CWH43: variants seen among roughly 807,000 people sequenced by gnomAD.
The protein encoded by CWH43 is PGAP2-interacting protein.
CWH43 carries 91 observed loss-of-function variants against 85.7 expected under a neutral mutation model. The observed-to-expected ratio is 1.06, with a 90% confidence interval of 0.90 to 1.26. The LOEUF is 1.26. Among genes scored for constraint, CWH43 ranks in the 50% most tolerant of loss-of-function variants. The pLI is 0.00. For missense variants in CWH43, 869 were observed against 839.2 expected, an observed-to-expected ratio of 1.04 and a Z score of -0.44; for synonymous variants, 323 against 293.6, an observed-to-expected ratio of 1.10 and a Z score of -1.02.
chr4:49,021,066 C>G (rs1783737960), intron 9 of CWH43, among the ~76,000 whole-genome samples: 1 of 152,064 alleles, frequency 6.6e-6, no homozygotes, highest in Admixed American at 6.6e-5. Flanking sequence ...TAATTAAGCT[C>G]CATCTATTTA....
intron 6 of CWH43, among the ~76,000 whole-genome samples, chr4:49,000,249 G>A (rs1311693570): frequency 6.6e-6 from 1 of 152,138 alleles, no homozygotes; most frequent in Non-Finnish European, 1.5e-5. Context: ...TCTGTACACC[G>A]TAAGTGCCGT....
Position 48,992,347 on chromosome 4 carries a change from C to G in CWH43, c.511+257C>G, listed in dbSNP as rs1308330714. On this transcript the variant is annotated intron_variant, in intron 4 of 15. Transcript: ENST00000226432. This position sits in a 1 kb window ranked among gnomAD's most constrained non-coding sequence, Gnocchi z 4.3. ...TTTGTAGCACTGTGGCAGTGGGAGA[C>G]GAGAACCAGGCCTCATATCCCAGCT... 6.6e-6 allele frequency among the ~76,000 whole-genome samples: 1 copy of G among 152,152 alleles called. No individual in the cohort carries two copies.
chr4:49,053,929 A>G (rs544168973), intron 15 of CWH43, among the ~76,000 whole-genome samples: 13 of 152,218 alleles, frequency 8.5e-5, no homozygotes, highest in Non-Finnish European at 1.8e-4. Context: ...CTCAACCTAT[A>G]TAGTTTGTAA....
chr4:49,044,810 A>G lies in CWH43; in HGVS notation c.1828A>G (p.Arg610Gly). The G allele has an allele frequency of 6.2e-7, 1 of 1,613,436 alleles. No homozygotes were observed. Among genetic ancestry groups the G allele is most frequent in the Admixed American group, 1.7e-5 (1 of 59,978 alleles). Residue 610 changes from arginine to glycine, a missense_variant, in exon 14 of 16, where the codon AGA becomes GGA. Physicochemically the swap from Arg to Gly is moderately radical, Grantham distance 125. This residue lies in a region of CWH43 where 577 missense variants were observed against 513.1 expected (regional missense o/e 1.12). Transcript: ENST00000226432. The part of the protein sequence containing the change: ...VKDIDSTDHD[R>G]WCEYIMYRGL... Reference sequence around the variant, plus strand: ...GGATATCGACAGCACTGATCATGACAGATGGTGTGAATACATTATGTATCG... The same window carrying G: ...GGATATCGACAGCACTGATCATGACGGATGGTGTGAATACATTATGTATCG...
intron 9 of CWH43, among the ~76,000 whole-genome samples, chr4:49,025,836 G>C (rs1222929469): frequency 6.6e-6 from 1 of 152,292 alleles, no homozygotes; most frequent in East Asian, 1.9e-4. Context: ...TCCAGCCAGG[G>C]TGTGGCACTT....
At chr4:49,050,344 G>C (rs1465832565) in intron 14 of CWH43, among the ~76,000 whole-genome samples, 3 of 152,192 alleles carry the variant, frequency 2.0e-5, no homozygotes, top group Non-Finnish European at 4.4e-5. Flanking sequence ...AGGTAAGAAA[G>C]AAGGTGAACA....
At chr4:49,027,310 A>G (rs1289200128) in intron 9 of CWH43, among the ~76,000 whole-genome samples, 1 of 152,184 alleles carries the variant, frequency 6.6e-6, no homozygotes, top group African/African-American at 2.4e-5. Context: ...GGAATCAAGG[A>G]GACTTCTATG....
chr4:49,041,556 G>A (rs1784463638), intron 13 of CWH43, among the ~76,000 whole-genome samples: 2 of 152,152 alleles, frequency 1.3e-5, no homozygotes, highest in Admixed American at 6.6e-5. Context: ...GTCTATTATT[G>A]GTGTATAAGA....
intron 8 of CWH43, among the ~76,000 whole-genome samples, chr4:49,008,081 CCCA>C (rs930265115): frequency 3.9e-5 from 6 of 152,324 alleles, no homozygotes; most frequent in Admixed American, 6.5e-5. Context: ...TATTTACACT[CCCA>C]CCAACAGTAT....
chr4:48,990,776 G>T (rs541630985), intron 2 of CWH43, among the ~76,000 whole-genome samples: 2 of 152,144 alleles, frequency 1.3e-5, no homozygotes, highest in Admixed American at 6.6e-5. Flanking sequence ...TCTATTCCTT[G>T]GTATGTACCC....
chr4:49,057,702 G>C (rs1785011204), intron 15 of CWH43, among the ~76,000 whole-genome samples: 1 of 152,116 alleles, frequency 6.6e-6, no homozygotes. Flanking sequence ...TCCATTGTTG[G>C]AAGTGGGTTA....
At chr4:49,045,740 T>A (rs1224830992) in intron 14 of CWH43, among the ~76,000 whole-genome samples, 8 of 152,164 alleles carry the variant, frequency 5.3e-5, no homozygotes, top group African/African-American at 1.9e-4. Flanking sequence ...TTTTTATTTT[T>A]TAAATCGACA....
At chr4:48,989,948 C>T (rs1168244949) in intron 2 of CWH43, among the ~76,000 whole-genome samples, 12 of 152,182 alleles carry the variant, frequency 7.9e-5, no homozygotes, top group Non-Finnish European at 1.0e-4. Context: ...CATGAACCAC[C>T]GTAGCTCCGA....
chr4:49,042,319 G>T (rs1437723873), intron 13 of CWH43, among the ~76,000 whole-genome samples: 1 of 152,212 alleles, frequency 6.6e-6, no homozygotes, highest in African/African-American at 2.4e-5. Context: ...GAAAAAGCCT[G>T]TATTGCCTTG....
chr4:49,051,073 G>T (rs1560515917), intron 15 of CWH43, among the ~76,000 whole-genome samples: 1 of 152,098 alleles, frequency 6.6e-6, no homozygotes, highest in East Asian at 1.9e-4. Context: ...AAAGTTCACA[G>T]CATCATCATC....
Position 49,053,709 on chromosome 4 carries a change from C to T in CWH43, c.2021+2860C>T, listed in dbSNP as rs1402352438. Reference sequence around the variant, plus strand: ...AGCCGTTTATCATATATAGGTTGAACATCTCAAGTAAAAAAATCCAAAATC... The same window carrying T: ...AGCCGTTTATCATATATAGGTTGAATATCTCAAGTAAAAAAATCCAAAATC... On this transcript the variant is annotated intron_variant, in intron 15 of 15. Coordinates refer to ENST00000226432, the MANE Select transcript of CWH43 (RefSeq NM_025087.3). Among the ~76,000 whole-genome samples, 5 of 152,122 alleles carry T rather than the reference C, an allele frequency of 3.3e-5. No individual in the cohort carries two copies. In the South Asian group the frequency reaches 6.2e-4, roughly 19 times the overall value.
chr4:49,016,030 T>C (rs1783531456), intron 8 of CWH43, among the ~76,000 whole-genome samples: 1 of 152,204 alleles, frequency 6.6e-6, no homozygotes, highest in Non-Finnish European at 1.5e-5. Flanking sequence ...TTTCTTTGTT[T>C]CCTGCTCATG....
chr4:49,010,244 A>G (rs1189581064), intron 8 of CWH43, among the ~76,000 whole-genome samples: 3 of 151,872 alleles, frequency 2.0e-5, no homozygotes, highest in African/African-American at 4.8e-5. Context: ...TGTCTTCTAG[A>G]TTTTCTAGTT....
chr4:49,014,517 AT>A (rs767131940), intron 8 of CWH43, among the ~76,000 whole-genome samples: 2 of 151,518 alleles, frequency 1.3e-5, no homozygotes, highest in Non-Finnish European at 1.5e-5. Context: ...GAGAAATGAG[AT>A]TTTTTTTGTG....
Sources: allele counts gnomAD v4.1 joint callset (sites outside exome capture counted in the v4.1 genomes callset), GRCh38; gene constraint gnomAD v4.1.1; regional missense constraint gnomAD v4.1.1; non-coding constraint Gnocchi (gnomAD v3.1); transcripts MANE v1.5; gene names NCBI Gene and HGNC (gene_info 2026-07-23, HGNC 2026-07-21).